The following PROSER1 variants were observed in gnomAD, a reference collection of about 807,000 sequenced individuals.
The protein encoded by PROSER1 is proline and serine-rich protein 1.
In PROSER1, 36 loss-of-function variants were observed where a neutral mutation model predicts 71.8. The observed-to-expected ratio is 0.50, with a 90% confidence interval of 0.38 to 0.66. The LOEUF is 0.66. Among genes scored for constraint, PROSER1 ranks in the 30% least tolerant of loss-of-function variants. The pLI, the probability that PROSER1 is intolerant of heterozygous loss-of-function variation, is 0.00. For missense variants in PROSER1, 1,107 were observed against 1,135.0 expected, an observed-to-expected ratio of 0.98 and a Z score of 0.35; for synonymous variants, 490 against 452.4, an observed-to-expected ratio of 1.08 and a Z score of -1.06.
chr13:39,024,290 C>T (rs1195956097), intron 7 of PROSER1, among the ~76,000 whole-genome samples, 183 bp downstream of exon 7: 1 of 152,140 alleles, frequency 6.6e-6, no homozygotes, highest in African/African-American at 2.4e-5. Flanking sequence ...AAAGCTCAAT[C>T]TCAAAGGGGC....
rs763088386 is a variant in PROSER1, at chr13:39,012,083, C to T, written c.2712G>A (p.Gln904=). The T allele has an allele frequency of 1.2e-6, 2 of 1,612,466 alleles. No individual in the cohort carries two copies. Among genetic ancestry groups the T allele is most frequent in the South Asian group, 1.1e-5 (1 of 90,758 alleles). The change falls in exon 12 of 13, where the codon CAG becomes CAA. Residue 904 remains glutamine, a splice_region_variant and synonymous_variant. Transcript: ENST00000352251. ...ATTTATGCCAGCCATTGCTGCTTAC[C>T]TGCTGTAACAATGCTGACTGCGCAG... ...NAAAQSALLQ[Q]VHSASALESY... is the part of the protein sequence containing the mutation.
chr13:39,022,201 C>CA, intron 9 of PROSER1, 125 bp downstream of exon 9: 1 of 692,562 alleles, frequency 1.4e-6, no homozygotes, highest in Non-Finnish European at 2.6e-6. Context: ...GATTCACTTC[C>CA]AGATCCTTCA....
chr13:39,037,114 C>A, intron 1 of PROSER1, 84 bp downstream of exon 1: 1 of 1,062,206 alleles, frequency 9.4e-7, no homozygotes, highest in East Asian at 2.4e-5. Context: ...CCTTATTCTG[C>A]ACAATCTCCA....
rs1303684353 is a variant in PROSER1 at position 39,011,118 on chromosome 13, A to G, written c.*247T>C. 2 of 412,832 alleles carry G rather than the reference A, an allele frequency of 4.8e-6. No homozygotes were observed. Among genetic ancestry groups the G allele is most frequent in the East Asian group, 9.7e-5 (2 of 20,524 alleles). The allele number at this position is 412,832 out of a possible 1,614,324, so 25.6% of individuals were successfully genotyped here. On this transcript the variant is annotated 3_prime_UTR_variant, in exon 13 of 13. Transcript: ENST00000352251. The stretch of plus-strand genomic sequence containing the variant: ...TACACAATTCAAAATTTTATAGGAC[A>G]GGTGAAAAGTCTCCAAACACTTTTT...
Position 39,013,881 on chromosome 13 carries a change from G to A in PROSER1, c.1371C>T (p.Ser457=), listed in dbSNP as rs145746710. The A allele has an allele frequency of 3.7e-6, 6 of 1,614,180 alleles. No individual in the cohort carries two copies. The Middle Eastern group carries it at 4.9e-4, about 133-fold the overall frequency. Residue 457 remains serine, a synonymous_variant, in exon 11 of 13, where the codon AGC becomes AGT. Coordinates refer to ENST00000352251, the MANE Select transcript of PROSER1 (RefSeq NM_025138.5). ...TPVIAGGSTP[S]VAGPLGVNSP... Reference sequence around the variant, plus strand: ...TGTTCACACCAAGTGGACCGGCAACGCTGGGAGTAGAGCCACCAGCAATTA... The same window carrying A: ...TGTTCACACCAAGTGGACCGGCAACACTGGGAGTAGAGCCACCAGCAATTA...
chr13:39,037,001 T>G (rs1165893964), intron 1 of PROSER1, among the ~76,000 whole-genome samples, 197 bp downstream of exon 1: 1 of 152,176 alleles, frequency 6.6e-6, no homozygotes. Flanking sequence ...AGTCTCAAAT[T>G]TGGCGTTAAC....
At position 39,023,127 on chromosome 13, in the gene PROSER1, G is replaced by A; in HGVS notation, c.568C>T (p.Pro190Ser). Residue 190 changes from proline (P) to serine (S), a missense_variant, in exon 8 of 13, where the codon CCT becomes TCT. Transcript: ENST00000352251. The part of the protein sequence containing the change: ...ARILGPSKPP[P>S]STYNPHKPVP... ...GGTTTATGTGGATTATATGTTGAAG[G>A]AGGCTAAAACATGGGGGAAAATACA... is the stretch of plus-strand genomic sequence containing the variant. 1 of 1,611,744 alleles carries A rather than the reference G, an allele frequency of 6.2e-7. No homozygotes were observed. The highest frequency in any genetic ancestry group is 8.5e-7 in the Non-Finnish European group (1 of 1,178,062).
chr13:39,012,858 G>A lies in PROSER1; in HGVS notation c.2394C>T (p.Ser798=), dbSNP rs201323836. ...GGAATGAGGGAAGAGCAGGGGTAAC[G>A]CTTGGGGTATTAGAGACAGAAAAGC... ...YPGFSVSNTP[S]VTPALPSFPG... The change falls in exon 11 of 13, where the codon AGC becomes AGT. Residue 798 remains serine, a synonymous_variant. Transcript: ENST00000352251. 6 of 1,614,190 alleles carry A rather than the reference G, an allele frequency of 3.7e-6. No individual in the cohort carries two copies. The highest frequency in any genetic ancestry group is 1.7e-4 in the Middle Eastern group (1 of 6,060).
At chr13:39,028,158 G>T (rs1342768100) in intron 5 of PROSER1, 69 bp downstream of exon 5, 1 of 780,800 alleles carries the variant, frequency 1.3e-6, no homozygotes, top group Non-Finnish European at 2.2e-6. Context: ...TAAGAAGAAA[G>T]GTGCTTTTTC....
Position 39,014,117 on chromosome 13 carries a change from T to C in PROSER1, c.1135A>G (p.Thr379Ala). The change falls in exon 11 of 13, where the codon ACT becomes GCT. Residue 379 changes from threonine (T) to alanine (A), a missense_variant. Coordinates refer to ENST00000352251, the MANE Select transcript of PROSER1 (RefSeq NM_025138.5). ...PGPSATPTAA[T>A]PTPGPTPRST... ...CGTGGTGTAGGTCCTGGGGTAGGAGTGGCTGCGGTAGGAGTGGCAGAAGGA... is the reference window on the plus strand; with the variant it reads ...CGTGGTGTAGGTCCTGGGGTAGGAGCGGCTGCGGTAGGAGTGGCAGAAGGA... The C allele has an allele frequency of 6.2e-7, 1 of 1,611,196 alleles. No homozygotes were observed.
At position 39,037,404 on chromosome 13, in the gene PROSER1, G is replaced by A. The variant is rs1871171012; in HGVS notation, c.-162C>T. ...AGAGGTAGAGAGTATTGCAAACTTCGCAAAAAAAATTTCTAAAAATTGAGA... is the reference window on the plus strand; with the variant it reads ...AGAGGTAGAGAGTATTGCAAACTTCACAAAAAAAATTTCTAAAAATTGAGA... On this transcript the variant is annotated 5_prime_UTR_variant, in exon 1 of 13. Coordinates refer to ENST00000352251, the MANE Select transcript of PROSER1 (RefSeq NM_025138.5). 2.6e-5 allele frequency: 15 copies of A among 577,604 alleles called. No individual in the cohort carries two copies. In the South Asian group the frequency reaches 3.3e-4, roughly 13 times the overall value. 35.8% of individuals were successfully genotyped at this position (577,604 alleles called of 1,614,324 possible).
chr13:39,013,027 C>A lies in PROSER1; in HGVS notation c.2225G>T (p.Ser742Ile). The A allele has an allele frequency of 1.9e-6, 3 of 1,614,010 alleles. No homozygotes were observed. Among genetic ancestry groups the A allele is most frequent in the Non-Finnish European group, 2.5e-6 (3 of 1,179,976 alleles). ...AATSTSLPHP[S>I]STAAVLSGLS... ...CCCTGAGAGAACAGCTGCCGTTGAG[C>A]TAGGATGAGGGAGAGATGTGGAGGT... The change falls in exon 11 of 13, where the codon AGC (serine) becomes ATC (isoleucine). Residue 742 changes from serine (S) to isoleucine (I), a missense_variant. Coordinates refer to ENST00000352251, the MANE Select transcript of PROSER1 (RefSeq NM_025138.5).
At chr13:39,022,978 A>G (rs1870363933) in intron 8 of PROSER1, 74 bp downstream of exon 8, 7 of 1,278,328 alleles carry the variant, frequency 5.5e-6, no homozygotes, top group Non-Finnish European at 7.9e-6. Context: ...AACCACATAG[A>G]CCAGCATTTA....
At position 39,013,798 on chromosome 13, in the gene PROSER1, T is replaced by G; in HGVS notation, c.1454A>C (p.Asn485Thr). 2 of 1,613,392 alleles carry G rather than the reference T, an allele frequency of 1.2e-6. No homozygotes were observed. The highest frequency in any genetic ancestry group is 1.7e-6 in the Non-Finnish European group (2 of 1,179,828). Residue 485 changes from asparagine (N) to threonine (T), a missense_variant, in exon 11 of 13, where the codon AAC becomes ACC. By Grantham distance (65) the Asn-to-Thr change is moderately conservative (BLOSUM62 0). Transcript: ENST00000352251. ...FLTSNDTNLINSSALSSAVTS... is the reference protein window; with the variant it reads ...FLTSNDTNLITSSALSSAVTS... ...GACAGCAGAGGATAAAGCAGAGGAG[T>G]TGATTAAATTGGTGTCATTGGATGT...
intron 10 of PROSER1, among the ~76,000 whole-genome samples, chr13:39,014,763 A>G (rs1233953043): frequency 6.6e-6 from 1 of 152,176 alleles, no homozygotes; most frequent in Non-Finnish European, 1.5e-5. Context: ...CCGCTTTTTA[A>G]AAATTAAAGC....
At chr13:39,025,483 G>C (rs1870504626) in intron 6 of PROSER1, among the ~76,000 whole-genome samples, 1 of 152,154 alleles carries the variant, frequency 6.6e-6, no homozygotes, top group Non-Finnish European at 1.5e-5. Flanking sequence ...GCTTCCACTT[G>C]TCTTCTCTTG....
intron 9 of PROSER1, among the ~76,000 whole-genome samples, chr13:39,021,276 TAC>T (rs1018264926): frequency 6.6e-6 from 1 of 152,200 alleles, no homozygotes; most frequent in African/African-American, 2.4e-5. Flanking sequence ...GTCAACTCCA[TAC>T]ACAGTCATCC....
At chr13:39,015,035 TCTACA>T (rs1164405543) in intron 10 of PROSER1, among the ~76,000 whole-genome samples, 1 of 152,086 alleles carries the variant, frequency 6.6e-6, no homozygotes, top group African/African-American at 2.4e-5. Flanking sequence ...TACTGACCGC[TCTACA>T]CTACATTAAC....
intron 9 of PROSER1, 51 bp downstream of exon 9, chr13:39,022,275 G>T: frequency 8.4e-7 from 1 of 1,192,396 alleles, no homozygotes; most frequent in Non-Finnish European, 1.3e-6. Flanking sequence ...CGTTCCAAGT[G>T]TACATTTGTA....
Sources: allele counts gnomAD v4.1 joint callset (sites outside exome capture counted in the v4.1 genomes callset), GRCh38; gene constraint gnomAD v4.1.1; transcripts MANE v1.5; gene names NCBI Gene and HGNC (gene_info 2026-07-23, HGNC 2026-07-21).